The following DOCK5 variants were observed in gnomAD, a reference collection of about 807,000 sequenced individuals.
The protein encoded by DOCK5 is dedicator of cytokinesis protein 5.
A neutral mutation model predicts 251.8 loss-of-function variants in DOCK5; 142 were observed. That is an observed-to-expected ratio of 0.56 (90% CI 0.49 to 0.65). The LOEUF (loss-of-function observed/expected upper bound fraction) is 0.65. Ranked by LOEUF, DOCK5 falls within the 30% of genes least tolerant of loss-of-function variation. DOCK5 has a pLI of 0.00. For synonymous variants in DOCK5, 842 were observed against 835.5 expected (o/e 1.01, Z -0.13); for missense variants, 2,111 against 2,312.3 (o/e 0.91, Z 1.79).
intron 5 of DOCK5, among the ~76,000 whole-genome samples, chr8:25,282,917 A>G (rs1164491547): frequency 6.9e-6 from 1 of 145,254 alleles, no homozygotes; most frequent in Non-Finnish European, 1.5e-5. Context: ...ACATTTCTAT[A>G]GTACATTTCC....
At chr8:25,323,086 T>A (rs1442231908) in intron 16 of DOCK5, among the ~76,000 whole-genome samples, 1 of 152,194 alleles carries the variant, frequency 6.6e-6, no homozygotes, top group Admixed American at 6.5e-5. Flanking sequence ...GGCCACAGGT[T>A]ACCCTACTCA....
intron 28 of DOCK5, among the ~76,000 whole-genome samples, chr8:25,361,227 A>C (rs530251494): frequency 1.3e-5 from 2 of 152,342 alleles, no homozygotes; most frequent in African/African-American, 4.8e-5. Flanking sequence ...CAAGTATCTA[A>C]ATTCAATCCT....
intron 2 of DOCK5, among the ~76,000 whole-genome samples, chr8:25,252,438 C>T (rs1011112167): frequency 5.9e-5 from 9 of 152,194 alleles, no homozygotes; most frequent in African/African-American, 1.2e-4. Context: ...ATAGTCTCCA[C>T]GATCTAGGTA....
At chr8:25,368,993 C>T (rs556406296) in intron 33 of DOCK5, among the ~76,000 whole-genome samples, 1 of 152,206 alleles carries the variant, frequency 6.6e-6, no homozygotes, top group Non-Finnish European at 1.5e-5. Flanking sequence ...GCATTTTAAT[C>T]CTAGCTGTTT....
At position 25,298,975 on chromosome 8, in the gene DOCK5, A is replaced by G. The variant is rs151283004; in HGVS notation, c.638A>G (p.Gln213Arg). The G allele has an allele frequency of 1.7e-5, 28 of 1,613,136 alleles. 1 individual carries two copies. In the African/African-American group the frequency reaches 2.1e-4, roughly 12 times the overall value. The stretch of plus-strand genomic sequence containing the variant: ...CTGCAGAACCTCGATTTGCGGGGCC[A>G]GTCCATCTTCAGTACCATCCACACC... Reference protein sequence around the residue: ...SILQNLDLRGQSIFSTIHTYG... With the variant: ...SILQNLDLRGRSIFSTIHTYG... The change falls in exon 8 of 52, where the codon CAG (glutamine) becomes CGG (arginine). Residue 213 changes from glutamine to arginine, a missense_variant. Gln to Arg is a conservative substitution (Grantham distance 43). Around this residue, in one of 3 missense-constraint regions of DOCK5, gnomAD observed 335 missense variants for 324.9 expected, o/e 1.03. Transcript: ENST00000276440.
At chr8:25,274,046 A>G (rs1300198487) in intron 3 of DOCK5, among the ~76,000 whole-genome samples, 2 of 152,266 alleles carry the variant, frequency 1.3e-5, no homozygotes, top group East Asian at 3.9e-4. Context: ...GTCATCACCA[A>G]TGCTAGGGGC....
chr8:25,376,194 A>G, intron 37 of DOCK5: 1 of 985,300 alleles, frequency 1.0e-6, no homozygotes, highest in Non-Finnish European at 1.2e-6. Context: ...TCAGAAAGAA[A>G]TCCCCAGTGT....
At position 25,364,640 on chromosome 8, in the gene DOCK5, C is replaced by G. The variant is rs760370432; in HGVS notation, c.3059C>G (p.Ala1020Gly). 1.2e-6 allele frequency: 2 copies of G among 1,600,582 alleles called. No individual in the cohort carries two copies. Among genetic ancestry groups the G allele is most frequent in the Non-Finnish European group, 1.7e-6 (2 of 1,172,070 alleles). ...TCCTTCCGCAGGGTTTTTCTCCGTG[C>G]TATAAATCAGTTTGCTGAAGTTCTC... The part of the protein sequence containing the change: ...NMTQNRVFLR[A>G]INQFAEVLTR... The change falls in exon 30 of 52, where the codon GCT becomes GGT. Residue 1020 changes from alanine to glycine, a missense_variant. Transcript: ENST00000276440.
At chr8:25,323,454 C>A (rs566253338) in intron 16 of DOCK5, among the ~76,000 whole-genome samples, 1 of 152,002 alleles carries the variant, frequency 6.6e-6, no homozygotes, top group Non-Finnish European at 1.5e-5. Flanking sequence ...CAGAGAGATG[C>A]GCTGGGAAGG....
chr8:25,223,915 C>T (rs1210104053), intron 1 of DOCK5, among the ~76,000 whole-genome samples: 2 of 152,162 alleles, frequency 1.3e-5, no homozygotes, highest in Non-Finnish European at 2.9e-5. Context: ...TTTCCCTGAC[C>T]ATGCTTTGTA....
At chr8:25,219,195 C>T (rs1368254172) in intron 1 of DOCK5, among the ~76,000 whole-genome samples, 3 of 152,164 alleles carry the variant, frequency 2.0e-5, no homozygotes, top group Non-Finnish European at 4.4e-5. Context: ...GATATTATGA[C>T]TATGCAGATA....
At position 25,414,759 on chromosome 8, in the gene DOCK5, T is replaced by A. The variant is rs1801682081; in HGVS notation, c.*3461T>A. ...CCATGGTGCCATTTTGTGAAAGGTATTTATAAGGCCCTTCAAATTTGTGGC... is the reference window on the plus strand; with the variant it reads ...CCATGGTGCCATTTTGTGAAAGGTAATTATAAGGCCCTTCAAATTTGTGGC... On this transcript the variant is annotated 3_prime_UTR_variant, in exon 52 of 52. Coordinates refer to ENST00000276440, the MANE Select transcript of DOCK5 (RefSeq NM_024940.8). 6.6e-6 allele frequency: 1 copy of A among 152,146 alleles called. No homozygotes were observed. Among genetic ancestry groups the A allele is most frequent in the East Asian group, 1.9e-4 (1 of 5,176 alleles). 9.4% of individuals were successfully genotyped at this position (152,146 alleles called of 1,614,324 possible).
chr8:25,300,687 C>G (rs768290386), intron 9 of DOCK5, 30 bp downstream of exon 9: 2 of 1,585,984 alleles, frequency 1.3e-6, no homozygotes, highest in East Asian at 4.5e-5. Context: ...TAATCATTCT[C>G]TTTGTTTGTG....
intron 1 of DOCK5, among the ~76,000 whole-genome samples, chr8:25,242,025 GATAGT>G (rs1802966499): frequency 6.6e-6 from 1 of 151,844 alleles, no homozygotes; most frequent in Non-Finnish European, 1.5e-5. Flanking sequence ...CTAGGGGAGG[GATAGT>G]ATTAGAAGAA....
At chr8:25,325,572 C>G (rs369298598) in intron 18 of DOCK5, 25 bp downstream of exon 18, 2 of 1,607,988 alleles carry the variant, frequency 1.2e-6, no homozygotes, top group African/African-American at 2.7e-5. Flanking sequence ...TACACTGACA[C>G]AAATAAGCTT....
At chr8:25,380,052 G>A (rs1358979330) in intron 38 of DOCK5, among the ~76,000 whole-genome samples, 1 of 152,170 alleles carries the variant, frequency 6.6e-6, no homozygotes, top group African/African-American at 2.4e-5. Flanking sequence ...GCGACACATG[G>A]TACTTATTCT....
At chr8:25,332,462 C>G (rs1805705413) in intron 19 of DOCK5, 114 bp downstream of exon 19, 25 of 1,202,420 alleles carry the variant, frequency 2.1e-5, no homozygotes, top group Non-Finnish European at 2.9e-5. Context: ...AATATAAAAT[C>G]TACGTTGTTA....
At chr8:25,392,298 C>A (rs1460638753) in intron 43 of DOCK5, among the ~76,000 whole-genome samples, 1 of 108,172 alleles carries the variant, frequency 9.2e-6, no homozygotes. Context: ...AGCGAGACTT[C>A]GTCTCAAAAA....
intron 1 of DOCK5, among the ~76,000 whole-genome samples, chr8:25,233,202 T>C (rs1034817533): frequency 3.9e-5 from 6 of 152,148 alleles, no homozygotes; most frequent in African/African-American, 7.2e-5. Context: ...ACTTCACTTA[T>C]CTGTTTCTCT....
Sources: allele counts gnomAD v4.1 joint callset (sites outside exome capture counted in the v4.1 genomes callset), GRCh38; gene constraint gnomAD v4.1.1; regional missense constraint gnomAD v4.1.1; transcripts MANE v1.5; gene names NCBI Gene and HGNC (gene_info 2026-07-23, HGNC 2026-07-21).